The following SAMMSON variants were observed in gnomAD, a reference collection of about 807,000 sequenced individuals.
SAMMSON encodes the protein long intergenic non-protein coding RNA 1212.
intron 7 of SAMMSON, among the ~76,000 whole-genome samples, chr3:70,329,386 T>C (rs1412558421): frequency 1.3e-5 from 2 of 152,114 alleles, no homozygotes; most frequent in South Asian, 2.1e-4. Context: ...CAAAACACTT[T>C]TGAATTGGTG....
intron 2 of SAMMSON, among the ~76,000 whole-genome samples, chr3:70,415,898 T>G (rs1575644811): frequency 1.3e-5 from 2 of 152,312 alleles, no homozygotes; most frequent in Non-Finnish European, 2.9e-5. Flanking sequence ...AGTTTACATT[T>G]CACATTTTTT....
intron 7 of SAMMSON, among the ~76,000 whole-genome samples, chr3:70,342,960 G>A (rs1447070177): frequency 6.6e-6 from 1 of 152,142 alleles, no homozygotes; most frequent in Non-Finnish European, 1.5e-5. Flanking sequence ...CTAAAAGTTA[G>A]TTGTGGGTGT....
At chr3:70,061,722 G>A (rs2067191209) in intron 3 of SAMMSON, among the ~76,000 whole-genome samples, 2 of 152,128 alleles carry the variant, frequency 1.3e-5, no homozygotes, top group African/African-American at 4.8e-5. Flanking sequence ...AGCTCCCTCC[G>A]CATCTACCCA....
intron 2 of SAMMSON, among the ~76,000 whole-genome samples, chr3:70,433,758 A>T (rs973730942): frequency 6.6e-6 from 1 of 152,040 alleles, no homozygotes; most frequent in Non-Finnish European, 1.5e-5. Context: ...CCCCCATGTT[A>T]TGTAATAGTT....
intron 7 of SAMMSON, among the ~76,000 whole-genome samples, chr3:70,321,120 G>C (rs978401456): frequency 8.5e-5 from 13 of 152,104 alleles, no homozygotes; most frequent in African/African-American, 2.9e-4. Context: ...ACAGGATCCA[G>C]GCTAATAAAT....
intron 3 of SAMMSON, among the ~76,000 whole-genome samples, chr3:70,050,868 G>T (rs2067143200): frequency 6.6e-6 from 1 of 151,952 alleles, no homozygotes; most frequent in Admixed American, 6.6e-5. Flanking sequence ...GGGTGCAATG[G>T]CTCACACCTG....
At chr3:70,166,210 T>C (rs1005504702) in intron 4 of SAMMSON, among the ~76,000 whole-genome samples, 2 of 151,990 alleles carry the variant, frequency 1.3e-5, no homozygotes, top group Non-Finnish European at 2.9e-5. Flanking sequence ...GCAGGTCACT[T>C]AACCTCTCTG....
chr3:70,197,228 G>C (rs1559532782), intron 4 of SAMMSON: 2 of 398,238 alleles, frequency 5.0e-6, no homozygotes, highest in Non-Finnish European at 8.9e-6. Context: ...ACATCTGGGG[G>C]CGTCTATGAA....
intron 6 of SAMMSON, among the ~76,000 whole-genome samples, chr3:70,278,680 A>C (rs1360059577): frequency 6.6e-6 from 1 of 152,122 alleles, no homozygotes; most frequent in East Asian, 1.9e-4. Context: ...TGTATGATGG[A>C]TATGCTAGGG....
intron 9 of SAMMSON, among the ~76,000 whole-genome samples, chr3:70,387,313 ATTT>A (rs1450923479): frequency 6.6e-6 from 1 of 151,952 alleles, no homozygotes; most frequent in Admixed American, 6.6e-5. Context: ...TGCACAAATC[ATTT>A]TCTTCTTTGT....
chr3:70,019,124 T>A (rs974831546), intron 3 of SAMMSON, among the ~76,000 whole-genome samples: 1 of 152,202 alleles, frequency 6.6e-6, no homozygotes, highest in Non-Finnish European at 1.5e-5. Context: ...TGAGTTCAAT[T>A]CCTGGATATC....
At chr3:70,020,592 C>T (rs2067009557) in intron 3 of SAMMSON, among the ~76,000 whole-genome samples, 1 of 152,122 alleles carries the variant, frequency 6.6e-6, no homozygotes, top group Non-Finnish European at 1.5e-5. Context: ...GCAGAGCCTG[C>T]AAACTCCTCA....
intron 7 of SAMMSON, among the ~76,000 whole-genome samples, chr3:70,337,800 CT>C (rs1303145312): frequency 6.6e-6 from 1 of 151,780 alleles, no homozygotes; most frequent in African/African-American, 2.4e-5. Context: ...ATGTTTATCG[CT>C]TTATCTTTTA....
intron 4 of SAMMSON, among the ~76,000 whole-genome samples, chr3:70,167,845 G>A (rs929371507): frequency 1.4e-4 from 22 of 151,918 alleles, no homozygotes; most frequent in Admixed American, 1.4e-3. Flanking sequence ...TGTGGTCATC[G>A]CAGGTGGTGC....
At chr3:70,021,670 A>G (rs994374568) in intron 3 of SAMMSON, among the ~76,000 whole-genome samples, 2 of 152,150 alleles carry the variant, frequency 1.3e-5, no homozygotes, top group East Asian at 1.9e-4. Flanking sequence ...TTGTGGTGAT[A>G]TTAACAGGGA....
chr3:70,289,175 C>G lies in SAMMSON; in HGVS notation n.675-2004C>G, dbSNP rs1443003393. ...AGTCTCGATGGTCTTTACATTTTGG[C>G]ATGATTTTGCAGCGGCTGGTACCGG... On this transcript the variant is annotated intron_variant and non_coding_transcript_variant, in intron 6 of 9. Transcript: ENST00000642114. Among the ~76,000 whole-genome samples, 12 of 149,916 alleles carry G rather than the reference C, an allele frequency of 8.0e-5. 1 individual carries two copies. The highest frequency in any genetic ancestry group is 3.0e-5 in the Non-Finnish European group (2 of 67,076).
intron 4 of SAMMSON, among the ~76,000 whole-genome samples, chr3:70,086,299 A>G (rs905856266): frequency 9.2e-5 from 14 of 152,134 alleles, no homozygotes; most frequent in Non-Finnish European, 1.6e-4. Flanking sequence ...GGGTGTATCA[A>G]TCTCTTTATC....
At chr3:70,004,966 C>T (rs1397856247) in intron 1 of SAMMSON, among the ~76,000 whole-genome samples, 1 of 152,186 alleles carries the variant, frequency 6.6e-6, no homozygotes, top group Non-Finnish European at 1.5e-5. Context: ...AAAGGGGGAA[C>T]TGCTTTATCC....
intron 3 of SAMMSON, among the ~76,000 whole-genome samples, chr3:70,050,402 A>G (rs1008482501): frequency 6.6e-6 from 1 of 152,164 alleles, no homozygotes; most frequent in Non-Finnish European, 1.5e-5. Context: ...ACAGCAGAGC[A>G]GCTCTCAGAA....
Sources: allele counts gnomAD v4.1 joint callset (sites outside exome capture counted in the v4.1 genomes callset), GRCh38; gene constraint gnomAD v4.1.1; transcripts MANE v1.5; gene names NCBI Gene and HGNC (gene_info 2026-07-23, HGNC 2026-07-21).